The following STXBP4 variants were observed in gnomAD, a reference collection of about 807,000 sequenced individuals.
The protein encoded by STXBP4 is syntaxin-binding protein 4.
A neutral mutation model predicts 76.1 loss-of-function variants in STXBP4; 55 were observed. That is an observed-to-expected ratio of 0.72 (90% CI 0.58 to 0.91). The LOEUF is 0.91. Ranked by LOEUF, STXBP4 falls within the 40% of genes least tolerant of loss-of-function variation. The pLI is 0.00. For missense variants in STXBP4, 618 were observed against 636.9 expected (o/e 0.97, Z 0.32); for synonymous variants, 201 against 220.2 (o/e 0.91, Z 0.77).
Position 55,160,301 on chromosome 17 carries a change from A to G in STXBP4, c.*390A>G. The G allele has an allele frequency of 6.5e-6, 1 of 153,144 alleles. No homozygotes were observed. Among genetic ancestry groups the G allele is most frequent in the East Asian group, 1.9e-4 (1 of 5,216 alleles). 9.5% of individuals were successfully genotyped at this position (153,144 alleles called of 1,614,324 possible). Reference sequence around the variant, plus strand: ...GTATATGAACATAATGAAACACCTCATTTATTTGATAATTCACTAATGTTT... The same window carrying G: ...GTATATGAACATAATGAAACACCTCGTTTATTTGATAATTCACTAATGTTT... On this transcript the variant is annotated 3_prime_UTR_variant, in exon 18 of 18. Coordinates refer to ENST00000376352, the MANE Select transcript of STXBP4 (RefSeq NM_178509.6).
At chr17:55,200,380 C>T in the STXBP4 span, among the ~76,000 whole-genome samples, 1 of 152,162 alleles carries the variant, frequency 6.6e-6, no homozygotes, top group African/African-American at 2.4e-5. Context: ...CTAGATAAGA[C>T]TTTTTGTCTA....
At chr17:55,212,961 A>G in the STXBP4 span, among the ~76,000 whole-genome samples, 6 of 152,148 alleles carry the variant, frequency 3.9e-5, no homozygotes, top group African/African-American at 1.2e-4. Flanking sequence ...AGAGTGTAGG[A>G]TGCTTGCTTC....
At chr17:55,190,145 T>C in the STXBP4 span, among the ~76,000 whole-genome samples, 1 of 152,274 alleles carries the variant, frequency 6.6e-6, no homozygotes, top group Non-Finnish European at 1.5e-5. Context: ...AGAATTGGAA[T>C]CTCTAGTGAA....
At chr17:55,121,788 G>A (rs1023975685) in intron 16 of STXBP4, among the ~76,000 whole-genome samples, 1 of 151,802 alleles carries the variant, frequency 6.6e-6, no homozygotes, top group Non-Finnish European at 1.5e-5. Context: ...ACTTCTGCTT[G>A]GGGAAACTTT....
rs2080364295 is a variant in STXBP4, at chr17:55,164,456, T to G, written c.*4545T>G. On this transcript the variant is annotated 3_prime_UTR_variant, in exon 18 of 18. Coordinates refer to ENST00000376352, the MANE Select transcript of STXBP4 (RefSeq NM_178509.6). ...TTTATTTCTTTTTTTTTTTTTTTTT[T>G]TTTTTGAGACGGAGTCTCGCTCTGT... The G allele has an allele frequency of 7.2e-6, 1 of 138,046 alleles. No homozygotes were observed. The highest frequency in any genetic ancestry group is 1.6e-5 in the Non-Finnish European group (1 of 64,410). The allele number at this position is 138,046 out of a possible 1,614,324, so 8.6% of individuals were successfully genotyped here. A position where few individuals can be genotyped will look rare whatever the true frequency, so the allele number is the denominator to read the frequency against.
intron 11 of STXBP4, chr17:55,043,993 T>A (rs746454195): frequency 6.2e-5 from 13 of 209,304 alleles, no homozygotes; most frequent in Non-Finnish European, 1.1e-4. Context: ...GGACAACATG[T>A]CCATGCCACC....
chr17:55,208,240 A>G, the STXBP4 span, among the ~76,000 whole-genome samples: 6 of 151,996 alleles, frequency 3.9e-5, no homozygotes, highest in Non-Finnish European at 5.9e-5. Flanking sequence ...TTAATCTTTC[A>G]TAGCACTTCA....
chr17:55,141,985 G>A (rs1181937681), intron 17 of STXBP4, among the ~76,000 whole-genome samples: 4 of 152,136 alleles, frequency 2.6e-5, no homozygotes, highest in Non-Finnish European at 5.9e-5. Context: ...CTTGAGGTAT[G>A]TATACCTTGT....
intron 17 of STXBP4, among the ~76,000 whole-genome samples, chr17:55,159,237 C>G (rs139911385): frequency 6.7e-4 from 102 of 152,148 alleles, no homozygotes; most frequent in African/African-American, 2.4e-3. Flanking sequence ...CAGAGCAGGA[C>G]TCTGTCTCAA....
chr17:55,101,159 C>T (rs947348936), intron 16 of STXBP4, among the ~76,000 whole-genome samples: 11 of 152,298 alleles, frequency 7.2e-5, no homozygotes, highest in African/African-American at 2.6e-4. Flanking sequence ...AAACTATTGC[C>T]ATTTGCCTCT....
At chr17:54,972,592 T>C (rs2144264208) in intron 1 of STXBP4, among the ~76,000 whole-genome samples, 1 of 152,344 alleles carries the variant, frequency 6.6e-6, no homozygotes, top group Admixed American at 6.5e-5. Flanking sequence ...CTTTCATCAC[T>C]TCCTTATTTT....
intron 16 of STXBP4, among the ~76,000 whole-genome samples, chr17:55,112,321 C>G (rs1049659191): frequency 6.6e-6 from 1 of 152,168 alleles, no homozygotes; most frequent in African/African-American, 2.4e-5. Context: ...TATTGGCCAC[C>G]TGAAATTATG....
chr17:55,146,494 G>T (rs998581814), intron 17 of STXBP4, among the ~76,000 whole-genome samples: 4 of 152,138 alleles, frequency 2.6e-5, no homozygotes, highest in East Asian at 3.9e-4. Flanking sequence ...GGCGGATCAC[G>T]AGGTCAGGAG....
At chr17:55,095,128 C>G (rs1477558986) in intron 16 of STXBP4, among the ~76,000 whole-genome samples, 1 of 152,078 alleles carries the variant, frequency 6.6e-6, no homozygotes, top group Non-Finnish European at 1.5e-5. Flanking sequence ...ATCTATATAC[C>G]TTACTACTAA....
intron 16 of STXBP4, among the ~76,000 whole-genome samples, chr17:55,097,526 G>A (rs2079505874): frequency 6.6e-6 from 1 of 152,088 alleles, no homozygotes; most frequent in Non-Finnish European, 1.5e-5. Flanking sequence ...AGCTGGGCGT[G>A]GTGGCGGGTG....
chr17:55,053,983 A>C (rs1447271858), intron 12 of STXBP4, among the ~76,000 whole-genome samples: 1 of 152,174 alleles, frequency 6.6e-6, no homozygotes, highest in East Asian at 1.9e-4. Flanking sequence ...CTAAGGAAAA[A>C]TAGCAGTTTT....
At chr17:55,106,292 T>G (rs951851517) in intron 16 of STXBP4, among the ~76,000 whole-genome samples, 4 of 152,150 alleles carry the variant, frequency 2.6e-5, no homozygotes, top group African/African-American at 9.7e-5. Context: ...TGCTTTTTTT[T>G]TTTTTACTTT....
chr17:54,974,783 A>C (rs2077446667), intron 1 of STXBP4, among the ~76,000 whole-genome samples: 1 of 152,270 alleles, frequency 6.6e-6, no homozygotes, highest in Admixed American at 6.5e-5. Context: ...TGCTTCTTGC[A>C]GAAAGGGGCT....
At chr17:55,144,264 C>A (rs1301880712) in intron 17 of STXBP4, among the ~76,000 whole-genome samples, 1 of 152,110 alleles carries the variant, frequency 6.6e-6, no homozygotes, top group Non-Finnish European at 1.5e-5. Context: ...GCCATTACTT[C>A]TTTTACCCAG....
Sources: gnomAD v4.1 joint callset for allele counts (sites outside exome capture counted in the v4.1 genomes callset) on GRCh38, gnomAD v4.1.1 for gene constraint, MANE v1.5 for transcripts, NCBI Gene and HGNC (gene_info 2026-07-23, HGNC 2026-07-21) for gene names.